The following SDK1 variants were observed in gnomAD, a reference collection of about 807,000 sequenced individuals.
SDK1 encodes the protein sidekick cell adhesion molecule 1.
In SDK1, 157 loss-of-function variants were observed where a neutral mutation model predicts 245.5. That is an observed-to-expected ratio of 0.64 (90% CI 0.56 to 0.73). SDK1 has a LOEUF of 0.73. Among genes scored for constraint, SDK1 ranks in the 30% least tolerant of loss-of-function variants. The probability of loss-of-function intolerance (pLI) is 0.00; values close to 1 mark genes in which losing one functional copy is unlikely to be tolerated. For synonymous variants in SDK1, 1,647 were observed against 1,278.5 expected (o/e 1.29, Z -6.15); for missense variants, 3,583 against 3,002.3 (o/e 1.19, Z -4.52).
chr7:3,579,344 A>T (rs757295399), intron 1 of SDK1, among the ~76,000 whole-genome samples: 3 of 152,246 alleles, frequency 2.0e-5, no homozygotes, highest in Non-Finnish European at 4.4e-5. Flanking sequence ...GGTAGGCGTT[A>T]TCCCTGGGAT....
chr7:4,048,455 C>CCG (rs1187660942), intron 17 of SDK1, among the ~76,000 whole-genome samples: 1 of 152,176 alleles, frequency 6.6e-6, no homozygotes, highest in Non-Finnish European at 1.5e-5. Context: ...CCAGCGAGAC[C>CCG]CGCGCACTGT....
At chr7:3,366,832 C>G (rs909388147) in intron 1 of SDK1, among the ~76,000 whole-genome samples, 2 of 152,070 alleles carry the variant, frequency 1.3e-5, no homozygotes, top group Non-Finnish European at 2.9e-5. Flanking sequence ...ACCTCTGCCT[C>G]CTGGGTTCAA....
At chr7:3,774,943 C>G (rs990654063) in intron 4 of SDK1, among the ~76,000 whole-genome samples, 7 of 152,142 alleles carry the variant, frequency 4.6e-5, no homozygotes, top group African/African-American at 1.4e-4. Context: ...TATGGTGGGT[C>G]CTCTGTGGAA....
intron 1 of SDK1, among the ~76,000 whole-genome samples, chr7:3,544,593 C>T (rs1214415133): frequency 6.6e-6 from 1 of 152,218 alleles, no homozygotes; most frequent in South Asian, 2.1e-4. Context: ...ATTTTAACAT[C>T]TACAAGTTCA....
chr7:3,994,060 C>A (rs539265250), intron 14 of SDK1, among the ~76,000 whole-genome samples: 1 of 152,264 alleles, frequency 6.6e-6, no homozygotes, highest in African/African-American at 2.4e-5. Context: ...TCTATTTCCC[C>A]TCCTGCCCCT....
chr7:3,947,959 C>G (rs1000297424), intron 5 of SDK1, among the ~76,000 whole-genome samples: 1 of 152,034 alleles, frequency 6.6e-6, no homozygotes, highest in African/African-American at 2.4e-5. Flanking sequence ...CATTTTAAGC[C>G]TCTCTGTAAT....
At position 3,520,114 on chromosome 7, in the gene SDK1, A is replaced by C. The variant is rs192927343; in HGVS notation, c.299-98966A>C. Among the ~76,000 whole-genome samples, 339 of 152,304 alleles carry C rather than the reference A, an allele frequency of 2.2e-3. 2 individuals carry two copies. Among genetic ancestry groups the C allele is most frequent in the Admixed American group, 5.2e-3 (80 of 15,296 alleles). On this transcript the variant is annotated intron_variant, in intron 1 of 44. Transcript: ENST00000404826. ...TTTGCCATTGTGTCAGGCAAGTAAA[A>C]ATGCTAGATATCAAGTTACCAGAAT...
chr7:3,587,964 T>A (rs192180269), intron 1 of SDK1, among the ~76,000 whole-genome samples: 1 of 152,378 alleles, frequency 6.6e-6, no homozygotes, highest in Admixed American at 6.5e-5. Context: ...TAGACTTATG[T>A]CTATGCCAAT....
At chr7:3,891,627 C>G (rs1403065620) in intron 5 of SDK1, among the ~76,000 whole-genome samples, 1 of 152,184 alleles carries the variant, frequency 6.6e-6, no homozygotes, top group African/African-American at 2.4e-5. Flanking sequence ...TCCAAGTACA[C>G]TGAGCACATC....
intron 38 of SDK1, among the ~76,000 whole-genome samples, chr7:4,211,673 G>A (rs562340775): frequency 4.9e-4 from 75 of 152,196 alleles, no homozygotes; most frequent in Non-Finnish European, 5.6e-4. Flanking sequence ...GCAGTGGCAC[G>A]ATTTCTGCTC....
At chr7:3,591,523 T>G (rs145400968) in intron 1 of SDK1, among the ~76,000 whole-genome samples, 58 of 152,384 alleles carry the variant, frequency 3.8e-4, no homozygotes, top group African/African-American at 1.3e-3. Flanking sequence ...TTGCACTGGC[T>G]GTTCACATTG....
intron 25 of SDK1, among the ~76,000 whole-genome samples, chr7:4,115,784 A>C (rs1461778725): frequency 1.3e-5 from 2 of 152,240 alleles, no homozygotes; most frequent in Non-Finnish European, 2.9e-5. Flanking sequence ...CCGTGCAAAG[A>C]GACAGTCCCC....
intron 4 of SDK1, among the ~76,000 whole-genome samples, chr7:3,737,436 T>G (rs2115047893): frequency 6.6e-6 from 1 of 152,342 alleles, no homozygotes; most frequent in Middle Eastern, 3.4e-3. Flanking sequence ...TATGCTGCTC[T>G]GCTAGGTGGG....
chr7:3,512,366 TGAA>T (rs1026801506), intron 1 of SDK1, among the ~76,000 whole-genome samples: 1 of 152,236 alleles, frequency 6.6e-6, no homozygotes, highest in East Asian at 1.9e-4. Flanking sequence ...ATTCACCTAA[TGAA>T]GAATATCTTG....
chr7:3,607,512 AT>A (rs892333434), intron 1 of SDK1, among the ~76,000 whole-genome samples: 3 of 152,184 alleles, frequency 2.0e-5, no homozygotes, highest in Non-Finnish European at 4.4e-5. Context: ...TTGTGTTCCC[AT>A]TTCATAGACG....
intron 5 of SDK1, among the ~76,000 whole-genome samples, chr7:3,867,509 CA>C (rs1202237773): frequency 6.6e-6 from 1 of 152,076 alleles, no homozygotes; most frequent in Non-Finnish European, 1.5e-5. Context: ...TGGTGGAAGG[CA>C]AGGAGGGGCC....
chr7:3,680,459 A>T (rs934674421), intron 4 of SDK1, among the ~76,000 whole-genome samples: 1 of 152,204 alleles, frequency 6.6e-6, no homozygotes, highest in African/African-American at 2.4e-5. Flanking sequence ...TTGTGCACAC[A>T]CAAATGAGTA....
chr7:3,797,329 C>T (rs893499552), intron 4 of SDK1, among the ~76,000 whole-genome samples: 15 of 150,880 alleles, frequency 9.9e-5, no homozygotes, highest in Admixed American at 2.6e-4. Context: ...TTTCCCTTTT[C>T]GCTTCTTTCA....
intron 4 of SDK1, among the ~76,000 whole-genome samples, chr7:3,813,476 G>A (rs1355481053): frequency 7.2e-6 from 1 of 139,672 alleles, no homozygotes; most frequent in East Asian, 2.1e-4. Context: ...ATTCCATGGT[G>A]TATATGTGCC....
Sources: gnomAD v4.1 joint callset for allele counts (sites outside exome capture counted in the v4.1 genomes callset) on GRCh38, gnomAD v4.1.1 for gene constraint, MANE v1.5 for transcripts, NCBI Gene and HGNC (gene_info 2026-07-23, HGNC 2026-07-21) for gene names.